CEP44: variants seen among roughly 807,000 people sequenced by gnomAD.
CEP44 encodes centrosomal protein of 44 kDa.
A neutral mutation model predicts 46.7 loss-of-function variants in CEP44; 45 were observed. The observed-to-expected ratio is 0.96, with a 90% CI of 0.76 to 1.24. The LOEUF (loss-of-function observed/expected upper bound fraction) is 1.24, where lower values mean the gene tolerates loss of function less well. Among genes scored for constraint, CEP44 ranks in the 50% most tolerant of loss-of-function variants. The pLI, the probability that CEP44 is intolerant of heterozygous loss-of-function variation, is 0.00. For synonymous variants in CEP44, 142 were observed against 146.0 expected (o/e 0.97, Z 0.20); for missense variants, 475 against 459.7 (o/e 1.03, Z -0.30).
rs1233053782 is a variant in CEP44 at position 174,314,209 on chromosome 4, A to T, written c.962-1957A>T. ...GCAGTCACTACTGAAGTACATAACAACTGGTGTCAGGGTCCTTGTGTCAGT... is the reference window on the plus strand; with the variant it reads ...GCAGTCACTACTGAAGTACATAACATCTGGTGTCAGGGTCCTTGTGTCAGT... On this transcript the variant is annotated intron_variant, in intron 9 of 11. Transcript: ENST00000503780. The surrounding 1 kb of genome is among the most constrained non-coding windows in gnomAD (Gnocchi z 4.1). Among the ~76,000 whole-genome samples the T allele has an allele frequency of 2.0e-5, 3 of 152,214 alleles. No individual in the cohort carries two copies. In the East Asian group the frequency reaches 5.8e-4, roughly 29 times the overall value.
At position 174,288,251 on chromosome 4, in the gene CEP44, G is replaced by C. The variant is rs1579059430; in HGVS notation, c.-148+4308G>C. 6.6e-6 allele frequency among the ~76,000 whole-genome samples: 1 copy of C among 152,120 alleles called. No homozygotes were observed. Among genetic ancestry groups the C allele is most frequent in the Non-Finnish European group, 1.5e-5 (1 of 68,006 alleles). On this transcript the variant is annotated intron_variant, in intron 1 of 11. Transcript: ENST00000503780. The surrounding 1 kb of genome is among the most constrained non-coding windows in gnomAD (Gnocchi z 4.6). Reference sequence around the variant, plus strand: ...GAAATCAATGCCATCACCTTGAAAAGTTTCCTTCTACTCATCTTTTTTTCA... The same window carrying C: ...GAAATCAATGCCATCACCTTGAAAACTTTCCTTCTACTCATCTTTTTTTCA...
intron 3 of CEP44, among the ~76,000 whole-genome samples, chr4:174,300,296 T>C (rs1443346318): frequency 6.6e-6 from 1 of 152,118 alleles, no homozygotes; most frequent in Non-Finnish European, 1.5e-5. Flanking sequence ...CTCAAGTTGC[T>C]GTTATTATAG....
At chr4:174,284,828 TG>T (rs570367510) in intron 1 of CEP44, among the ~76,000 whole-genome samples, 255 of 152,368 alleles carry the variant, frequency 1.7e-3, no homozygotes, top group South Asian at 6.0e-3. Flanking sequence ...TTTTTGTTTT[TG>T]ATACGTGTTT....
At chr4:174,302,768 T>C (rs2126592683) in intron 4 of CEP44, among the ~76,000 whole-genome samples, 1 of 152,020 alleles carries the variant, frequency 6.6e-6, no homozygotes, top group Non-Finnish European at 1.5e-5. Flanking sequence ...AAAACCCACT[T>C]ATCAAATGTA....
intron 6 of CEP44, among the ~76,000 whole-genome samples, chr4:174,306,370 CT>C (rs1374504737): frequency 6.6e-6 from 1 of 151,944 alleles, no homozygotes; most frequent in Non-Finnish European, 1.5e-5. Context: ...ATTTGGCAAT[CT>C]TTTTTAAAAA....
intron 1 of CEP44, chr4:174,284,167 G>C (rs1737276208): frequency 2.5e-6 from 1 of 398,012 alleles, no homozygotes; most frequent in Non-Finnish European, 4.4e-6. Context: ...CGGCAAGGCT[G>C]CGCCTGGTAT....
In CEP44 at chr4:174,303,689, T is replaced by C. The variant is rs1359015942; in HGVS notation, c.238-14T>C. ...ATTGCTCCCAATTATTACAAGAGTC[T>C]GTTTCCTCTGCAGCTTCTTCGTGAT... On this transcript the variant is annotated splice_polypyrimidine_tract_variant and intron_variant, in intron 4 of 11. Coordinates refer to ENST00000503780, the MANE Select transcript of CEP44 (RefSeq NM_001040157.3). 2 of 1,493,922 alleles carry C rather than the reference T, an allele frequency of 1.3e-6. No individual in the cohort carries two copies. The highest frequency in any genetic ancestry group is 1.8e-5 in the Admixed American group (1 of 55,696). 92.5% of individuals were successfully genotyped at this position (1,493,922 alleles called of 1,614,324 possible).
At chr4:174,323,829 T>C (rs925990601), downstream of CEP44, among the ~76,000 whole-genome samples, 2 of 152,096 alleles carry the variant, frequency 1.3e-5, no homozygotes, top group African/African-American at 2.4e-5. Context: ...GGAGGCTCAG[T>C]GGAGTCAGCT....
In CEP44 at chr4:174,299,129, C is replaced by T. The variant is rs1213012742; in HGVS notation, c.8C>T (p.Thr3Ile). 1 of 1,612,272 alleles carries T rather than the reference C, an allele frequency of 6.2e-7. No homozygotes were observed. The highest frequency in any genetic ancestry group is 8.5e-7 in the Non-Finnish European group (1 of 1,179,240). The change falls in exon 3 of 12, where the codon ACA becomes ATA. Residue 3 changes from threonine (T) to isoleucine (I), a missense_variant. Coordinates refer to ENST00000503780, the MANE Select transcript of CEP44 (RefSeq NM_001040157.3). The part of the protein sequence containing the change: MA[T>I]GDLKRSLRNL... Reference sequence around the variant, plus strand: ...TGAATCTGATGTTAAGTAATGGCAACAGGTGACTTAAAAAGAAGCTTACGG... The same window carrying T: ...TGAATCTGATGTTAAGTAATGGCAATAGGTGACTTAAAAAGAAGCTTACGG...
chr4:174,315,811 T>A lies in CEP44; in HGVS notation c.962-355T>A, dbSNP rs11941663. Among the ~76,000 whole-genome samples the A allele has an allele frequency of 2.9e-5, 4 of 140,036 alleles. No individual in the cohort carries two copies. The Admixed American group carries it at 3.1e-4, about 11-fold the overall frequency. The allele number at this position is 140,036 out of a possible 152,430, so 91.9% of individuals were successfully genotyped here. ...AGCCGAGATCGCGCCACTGCACTCCTGCCTGGGCGACAGAGCGAGACTCCG... is the reference window on the plus strand; with the variant it reads ...AGCCGAGATCGCGCCACTGCACTCCAGCCTGGGCGACAGAGCGAGACTCCG... On this transcript the variant is annotated intron_variant, in intron 9 of 11. Coordinates refer to ENST00000503780, the MANE Select transcript of CEP44 (RefSeq NM_001040157.3).
intron 1 of CEP44, among the ~76,000 whole-genome samples, chr4:174,291,817 G>A (rs1432324871): frequency 1.4e-5 from 1 of 70,380 alleles, no homozygotes; most frequent in Admixed American, 1.8e-4. Flanking sequence ...TTTTTTCCAG[G>A]TCTGGCTCTG....
chr4:174,316,167 C>T lies in CEP44; in HGVS notation c.963C>T (p.His321=). Reference sequence around the variant, plus strand: ...ATCTAAAACTTAATTTCTTCACAGACAGAAAAAGCGAAGTAGAGAGGCCAG... The same window carrying T: ...ATCTAAAACTTAATTTCTTCACAGATAGAAAAAGCGAAGTAGAGAGGCCAG... ...SCSDMDLLNP[H]RKSEVERPAS... The change falls in exon 10 of 12, where the codon CAC becomes CAT. Residue 321 remains histidine, a splice_region_variant and synonymous_variant. Transcript: ENST00000503780. The T allele has an allele frequency of 6.2e-7, 1 of 1,610,916 alleles. No individual in the cohort carries two copies. The highest frequency in any genetic ancestry group is 1.3e-5 in the African/African-American group (1 of 74,842).
chr4:174,317,894 C>T lies in CEP44; in HGVS notation c.*511C>T. On this transcript the variant is annotated 3_prime_UTR_variant, in exon 12 of 12. Coordinates refer to ENST00000503780, the MANE Select transcript of CEP44 (RefSeq NM_001040157.3). ...AAAAGGCAGTTATTTCATGCTTGGT[C>T]AAAAACATCAATACCTTTCCAATTA... The T allele has an allele frequency of 1.0e-6, 1 of 985,548 alleles. No individual in the cohort carries two copies. The highest frequency in any genetic ancestry group is 1.2e-6 in the Non-Finnish European group (1 of 829,876). The allele number at this position is 985,548 out of a possible 1,614,324, so 61.1% of individuals were successfully genotyped here. A position where few individuals can be genotyped will look rare whatever the true frequency, so the allele number is the denominator to read the frequency against.
chr4:174,284,593 A>G (rs1232361234), intron 1 of CEP44, among the ~76,000 whole-genome samples: 2 of 152,114 alleles, frequency 1.3e-5, no homozygotes, highest in African/African-American at 4.8e-5. Flanking sequence ...TTACTCTGGA[A>G]TTATGGCCAT....
rs753714700 is a variant in CEP44, at chr4:174,317,386, T to C, written c.*3T>C. 5.6e-6 allele frequency: 8 copies of C among 1,418,962 alleles called. No individual in the cohort carries two copies. Among genetic ancestry groups the C allele is most frequent in the Middle Eastern group, 4.7e-4 (2 of 4,278 alleles). 87.9% of individuals were successfully genotyped at this position (1,418,962 alleles called of 1,614,324 possible). On this transcript the variant is annotated 3_prime_UTR_variant, in exon 12 of 12. Coordinates refer to ENST00000503780, the MANE Select transcript of CEP44 (RefSeq NM_001040157.3). Reference sequence around the variant, plus strand: ...AATGTCCAAATCACTACTTGTAGGATTTTCTACATGAACTTTTTTCTAGGA... The same window carrying C: ...AATGTCCAAATCACTACTTGTAGGACTTTCTACATGAACTTTTTTCTAGGA...
At position 174,316,550 on chromosome 4, in the gene CEP44, G is replaced by A. The variant is rs1467138461; in HGVS notation, c.1107G>A (p.Met369Ile). 6.3e-7 allele frequency: 1 copy of A among 1,587,936 alleles called. No individual in the cohort carries two copies. The highest frequency in any genetic ancestry group is 1.8e-5 in the Admixed American group (1 of 55,948). Residue 369 changes from methionine to isoleucine, a missense_variant, in exon 11 of 12, where the codon ATG becomes ATA. Physicochemically the swap from Met to Ile is conservative, Grantham distance 10 (BLOSUM62 1). Transcript: ENST00000503780. ...TAAAGGAAACAACAATCCAGAAAAT[G>A]GAAAGGATGAAAAAAATGTAAGTAA... ...EISEETTIQKMERMKKMFEET... is the reference protein window; with the variant it reads ...EISEETTIQKIERMKKMFEET...
At position 174,308,703 on chromosome 4, in the gene CEP44, G is replaced by A; in HGVS notation, c.522G>A (p.Val174=). 6.2e-7 allele frequency: 1 copy of A among 1,604,070 alleles called. No homozygotes were observed. Among genetic ancestry groups the A allele is most frequent in the Non-Finnish European group, 8.5e-7 (1 of 1,173,340 alleles). The change falls in exon 7 of 12, where the codon GTG becomes GTA. Residue 174 remains valine, a synonymous_variant. Coordinates refer to ENST00000503780, the MANE Select transcript of CEP44 (RefSeq NM_001040157.3). ...TCTCTATGCAGAAGAAAGCTGTGGTGATTCGTCACTTGTATAATGAAGATA... is the reference window on the plus strand; with the variant it reads ...TCTCTATGCAGAAGAAAGCTGTGGTAATTCGTCACTTGTATAATGAAGATA... ...FMTSGKKKAV[V]IRHLYNEDNV... is the part of the protein sequence containing the mutation.
At chr4:174,300,841 A>G (rs1356417728) in intron 3 of CEP44, among the ~76,000 whole-genome samples, 1 of 152,150 alleles carries the variant, frequency 6.6e-6, no homozygotes, top group East Asian at 1.9e-4. Context: ...CTTAGGAACT[A>G]GATAATCAAG....
chr4:174,298,269 G>A (rs1356678634), intron 2 of CEP44, among the ~76,000 whole-genome samples: 5 of 134,728 alleles, frequency 3.7e-5, no homozygotes, highest in Non-Finnish European at 4.6e-5. Flanking sequence ...TCCGCCTCCC[G>A]GGTTCACGCC....
Sources: gnomAD v4.1 joint callset for allele counts (sites outside exome capture counted in the v4.1 genomes callset) on GRCh38, gnomAD v4.1.1 for gene constraint, Gnocchi (gnomAD v3.1) non-coding constraint, MANE v1.5 for transcripts, NCBI Gene and HGNC (gene_info 2026-07-23, HGNC 2026-07-21) for gene names.